The following SLC12A1 variants were observed in gnomAD, a reference collection of about 807,000 sequenced individuals.
The protein encoded by SLC12A1 is Na-K-2Cl cotransporter.
SLC12A1 carries 89 observed loss-of-function variants against 130.4 expected under a neutral mutation model. The ratio of observed to expected loss-of-function variants is 0.68; its 90% CI spans 0.58 to 0.81. The LOEUF (loss-of-function observed/expected upper bound fraction) is 0.81. Among genes scored for constraint, SLC12A1 ranks in the 40% least tolerant of loss-of-function variants. SLC12A1 has a pLI of 0.00. For synonymous variants in SLC12A1, 499 were observed against 460.0 expected (o/e 1.08, Z -1.09); for missense variants, 1,310 against 1,336.4 (o/e 0.98, Z 0.31).
chr15:48,241,917 C>A (rs2041521119), intron 10 of SLC12A1, among the ~76,000 whole-genome samples: 1 of 152,170 alleles, frequency 6.6e-6, no homozygotes, highest in Non-Finnish European at 1.5e-5. Flanking sequence ...CTGGCATACA[C>A]TTCCCTTGTT....
rs906862577 is a variant in SLC12A1 at position 48,262,260 on chromosome 15, T to C, written c.2154+2949T>C. On this transcript the variant is annotated intron_variant, in intron 17 of 26. Coordinates refer to ENST00000380993, the MANE Select transcript of SLC12A1 (RefSeq NM_000338.3). ...CAGCAGGCTCTGGGCTCCATCCTTC[T>C]GGTGGCCTGCAGCTATTGAAGTACT... Among the ~76,000 whole-genome samples, 3 of 152,286 alleles carry C rather than the reference T, an allele frequency of 2.0e-5. No individual in the cohort carries two copies. The South Asian group carries it at 6.2e-4, about 32-fold the overall frequency.
intron 11 of SLC12A1, among the ~76,000 whole-genome samples, chr15:48,246,544 G>T (rs138808373): frequency 1.2e-4 from 19 of 152,302 alleles, no homozygotes; most frequent in Non-Finnish European, 2.5e-4. Flanking sequence ...CCTTTGAGAG[G>T]CTGAGGTGGG....
At chr15:48,219,983 C>A (rs1026839079) in intron 2 of SLC12A1, among the ~76,000 whole-genome samples, 3 of 151,698 alleles carry the variant, frequency 2.0e-5, no homozygotes, top group Non-Finnish European at 2.9e-5. Flanking sequence ...GTGGTGTGTG[C>A]CTGTAATCCC....
Position 48,249,587 on chromosome 15 carries a change from C to A in SLC12A1, c.1697C>A (p.Thr566Asn), listed in dbSNP as rs760958301. Residue 566 changes from threonine to asparagine, a missense_variant, in exon 14 of 27, where the codon ACC becomes AAC. Transcript: ENST00000380993. ...MAFILIAELN[T>N]IAPIISNFFL... ...GTTACTTTTACAGCGGAACTGAACA[C>A]CATTGCTCCCATCATCTCCAACTTT... is the stretch of plus-strand genomic sequence containing the variant. The A allele has an allele frequency of 3.7e-6, 6 of 1,613,574 alleles. No individual in the cohort carries two copies. The highest frequency in any genetic ancestry group is 4.2e-6 in the Non-Finnish European group (5 of 1,179,524).
intron 17 of SLC12A1, among the ~76,000 whole-genome samples, chr15:48,261,739 T>C (rs2041777405): frequency 6.6e-6 from 1 of 152,140 alleles, no homozygotes; most frequent in South Asian, 2.1e-4. Flanking sequence ...TAAATAGTGA[T>C]GATAATAAGA....
chr15:48,260,807 G>A lies in SLC12A1; in HGVS notation c.2154+1496G>A, dbSNP rs141690462. ...AGTCAACTCTGCCATGATGCTGGGG[G>A]CTAATTTACCACATGTCATCATGAT... is the stretch of plus-strand genomic sequence containing the variant. On this transcript the variant is annotated intron_variant, in intron 17 of 26. Coordinates refer to ENST00000380993, the MANE Select transcript of SLC12A1 (RefSeq NM_000338.3). 2.0e-5 allele frequency among the ~76,000 whole-genome samples: 3 copies of A among 152,264 alleles called. No homozygotes were observed. The East Asian group carries it at 5.8e-4, about 29-fold the overall frequency.
intron 20 of SLC12A1, 61 bp from the exon 21 acceptor site, chr15:48,285,045 G>C: frequency 1.6e-6 from 2 of 1,283,192 alleles, no homozygotes; most frequent in Non-Finnish European, 2.1e-6. Context: ...AAGTTTATAA[G>C]ATTGTTTCTA....
At chr15:48,237,989 G>T (rs2041458589) in intron 9 of SLC12A1, among the ~76,000 whole-genome samples, 2 of 152,058 alleles carry the variant, frequency 1.3e-5, no homozygotes, top group East Asian at 3.9e-4. Context: ...AAGAACCAAA[G>T]ATATCAGCTT....
At chr15:48,229,783 A>C (rs2041347364) in intron 6 of SLC12A1, among the ~76,000 whole-genome samples, 1 of 152,244 alleles carries the variant, frequency 6.6e-6, no homozygotes, top group Non-Finnish European at 1.5e-5. Flanking sequence ...TTCCTAGTTT[A>C]GGTGCCTAGT....
chr15:48,238,756 A>T (rs1174714771), intron 9 of SLC12A1, among the ~76,000 whole-genome samples: 1 of 152,186 alleles, frequency 6.6e-6, no homozygotes, highest in Non-Finnish European at 1.5e-5. Context: ...AAAGATCCTG[A>T]TCTCCGCTCA....
chr15:48,257,886 C>T (rs2041725708), intron 16 of SLC12A1, among the ~76,000 whole-genome samples: 2 of 152,202 alleles, frequency 1.3e-5, no homozygotes, highest in South Asian at 2.1e-4. Flanking sequence ...AAATTTCTCC[C>T]CAGAACATGG....
chr15:48,250,468 G>A (rs1416448023), intron 14 of SLC12A1, among the ~76,000 whole-genome samples: 2 of 152,156 alleles, frequency 1.3e-5, no homozygotes, highest in Non-Finnish European at 2.9e-5. Flanking sequence ...AAGTAGCAGA[G>A]TATTTTTGTT....
chr15:48,298,382 A>G (rs1157075200), intron 24 of SLC12A1, among the ~76,000 whole-genome samples: 3 of 152,216 alleles, frequency 2.0e-5, no homozygotes, highest in Non-Finnish European at 2.9e-5. Flanking sequence ...AAAATGTTCT[A>G]TAGCTCTTAG....
intron 23 of SLC12A1, among the ~76,000 whole-genome samples, chr15:48,289,429 A>ATATATATATATAT (rs60319528): frequency 3.3e-5 from 4 of 119,600 alleles, no homozygotes; most frequent in South Asian, 2.6e-4. Flanking sequence ...ATATATATAT[A>ATATATATATATAT]ATGTATAACT....
Position 48,208,124 on chromosome 15 carries a change from C to A in SLC12A1, c.405C>A (p.His135Gln). The change falls in exon 2 of 27, where the codon CAC becomes CAA. Residue 135 changes from histidine (H) to glutamine (Q), a missense_variant. By Grantham distance (24) the His-to-Gln change is conservative (BLOSUM62 0). Coordinates refer to ENST00000380993, the MANE Select transcript of SLC12A1 (RefSeq NM_000338.3). ...KVNRPSLLEIHEQLAKNVAVT... is the reference protein window; with the variant it reads ...KVNRPSLLEIQEQLAKNVAVT... ...ACCGACCCAGCCTGCTTGAGATTCA[C>A]GAGCAACTCGCAAAGGTAAGCTTGA... 1 of 1,585,404 alleles carries A rather than the reference C, an allele frequency of 6.3e-7. No homozygotes were observed. Among genetic ancestry groups the A allele is most frequent in the Non-Finnish European group, 8.6e-7 (1 of 1,164,948 alleles).
intron 9 of SLC12A1, among the ~76,000 whole-genome samples, chr15:48,236,147 A>G (rs1328798374): frequency 1.3e-5 from 2 of 151,882 alleles, no homozygotes; most frequent in African/African-American, 4.8e-5. Context: ...AAAGTAGAAG[A>G]CACAGGTTTT....
intron 16 of SLC12A1, among the ~76,000 whole-genome samples, chr15:48,256,708 T>A (rs1477226523): frequency 1.3e-5 from 2 of 151,858 alleles, no homozygotes; most frequent in African/African-American, 2.4e-5. Flanking sequence ...CCCACCCCCA[T>A]GATTCAATTA....
In SLC12A1 at chr15:48,301,322, G is replaced by A. The variant is rs1358953771; in HGVS notation, c.3104G>A (p.Arg1035His). 29 of 1,599,070 alleles carry A rather than the reference G, an allele frequency of 1.8e-5. No individual in the cohort carries two copies. Among genetic ancestry groups the A allele is most frequent in the East Asian group, 2.2e-5 (1 of 44,558 alleles). ...TCTGAATGTTGCCCACAGAGTTACCGCCAAGTTCGACTGAATGAACTCTTA... is the reference window on the plus strand; with the variant it reads ...TCTGAATGTTGCCCACAGAGTTACCACCAAGTTCGACTGAATGAACTCTTA... ...ELEAVKEKSY[R>H]QVRLNELLQE... The change falls in exon 26 of 27, where the codon CGC becomes CAC. Residue 1035 changes from arginine to histidine, a missense_variant. Arg to His is a conservative substitution (Grantham distance 29). Coordinates refer to ENST00000380993, the MANE Select transcript of SLC12A1 (RefSeq NM_000338.3).
At chr15:48,241,643 G>T in intron 10 of SLC12A1, 44 bp downstream of exon 10, 1 of 1,392,600 alleles carries the variant, frequency 7.2e-7, no homozygotes, top group Admixed American at 1.7e-5. Flanking sequence ...AATTACGAGG[G>T]GTCCAGTTGT....
Sources: gnomAD v4.1 joint callset for allele counts (sites outside exome capture counted in the v4.1 genomes callset) on GRCh38, gnomAD v4.1.1 for gene constraint, MANE v1.5 for transcripts, NCBI Gene and HGNC (gene_info 2026-07-23, HGNC 2026-07-21) for gene names.